KCNIP4: variants seen among roughly 807,000 people sequenced by gnomAD.
The protein encoded by KCNIP4 is Kv channel-interacting protein 4.
KCNIP4 carries 12 observed loss-of-function variants against 34.0 expected under a neutral mutation model. The ratio of observed to expected loss-of-function variants is 0.35; its 90% CI spans 0.23 to 0.57. The LOEUF (loss-of-function observed/expected upper bound fraction) is 0.57. Ranked by LOEUF, KCNIP4 falls within the 20% of genes least tolerant of loss-of-function variation. The pLI is 0.83. For missense variants in KCNIP4, 238 were observed against 311.7 expected, an observed-to-expected ratio of 0.76 and a Z score of 1.78; for synonymous variants, 124 against 102.2, an observed-to-expected ratio of 1.21 and a Z score of -1.29.
intron 1 of KCNIP4, among the ~76,000 whole-genome samples, chr4:21,008,389 T>C (rs1286901167): frequency 6.6e-6 from 1 of 152,218 alleles, no homozygotes; most frequent in South Asian, 2.1e-4. Flanking sequence ...GAAATTAGGC[T>C]ACTATGTTTG....
intron 1 of KCNIP4, among the ~76,000 whole-genome samples, chr4:21,352,514 T>A (rs886441371): frequency 5.9e-5 from 9 of 152,226 alleles, no homozygotes; most frequent in African/African-American, 2.2e-4. Flanking sequence ...CCACGTAGCC[T>A]TGCTCACTGC....
intron 1 of KCNIP4, among the ~76,000 whole-genome samples, chr4:21,843,041 T>A (rs920661574): frequency 6.6e-6 from 1 of 152,138 alleles, no homozygotes; most frequent in East Asian, 1.9e-4. Context: ...AATAAATGTT[T>A]TGCTTTATAT....
At chr4:21,219,705 C>A (rs1274250041) in intron 1 of KCNIP4, among the ~76,000 whole-genome samples, 6 of 152,016 alleles carry the variant, frequency 3.9e-5, no homozygotes, top group Non-Finnish European at 1.5e-5. Context: ...ATTGAAAAAA[C>A]AGCAGGAAGG....
At position 21,252,128 on chromosome 4, in the gene KCNIP4, TG is replaced by T. The variant is rs1266697472; in HGVS notation, c.62-369420del. Among the ~76,000 whole-genome samples the T allele has an allele frequency of 2.6e-4, 30 of 114,320 alleles. 1 individual carries two copies. The East Asian group carries it at 2.9e-3, about 11-fold the overall frequency. The allele number at this position is 114,320 out of a possible 152,430, so 75.0% of individuals were successfully genotyped here. A position where few individuals can be genotyped will look rare whatever the true frequency, so the allele number is the denominator to read the frequency against. ...CATTTAAGTAACATGAATGAGGTTT[TG>T]TTTTTTTTTTTTTTTTTGAGACAGA... On this transcript the variant is annotated intron_variant, in intron 1 of 8. Coordinates refer to ENST00000382152, the MANE Select transcript of KCNIP4 (RefSeq NM_025221.6).
intron 1 of KCNIP4, chr4:21,609,089 AGTCC>A (rs1375571779): frequency 8.5e-5 from 13 of 152,200 alleles, no homozygotes; most frequent in African/African-American, 2.7e-4. Flanking sequence ...ATTTAGTAAA[AGTCC>A]TCCAAGAGAT....
intron 1 of KCNIP4, among the ~76,000 whole-genome samples, chr4:21,919,691 G>A (rs1288006444): frequency 6.6e-6 from 1 of 152,102 alleles, no homozygotes; most frequent in African/African-American, 2.4e-5. Flanking sequence ...GCAGCTTCAG[G>A]TAGCCAAAGG....
intron 1 of KCNIP4, among the ~76,000 whole-genome samples, chr4:21,745,757 T>TA (rs573894649): frequency 3.3e-5 from 5 of 152,146 alleles, no homozygotes; most frequent in East Asian, 3.9e-4. Context: ...TGCTTTATGC[T>TA]AAAAAAATAA....
At chr4:21,639,399 C>T (rs1459153792) in intron 1 of KCNIP4, among the ~76,000 whole-genome samples, 1 of 152,116 alleles carries the variant, frequency 6.6e-6, no homozygotes, top group African/African-American at 2.4e-5. Context: ...ATCAACAAAT[C>T]TATACAATTG....
At chr4:21,674,927 G>A (rs912878373) in intron 1 of KCNIP4, among the ~76,000 whole-genome samples, 2 of 152,084 alleles carry the variant, frequency 1.3e-5, no homozygotes, top group African/African-American at 2.4e-5. Flanking sequence ...TAAAATTACT[G>A]TTTTTCATAA....
At chr4:21,139,012 A>C (rs1425620016) in intron 1 of KCNIP4, among the ~76,000 whole-genome samples, 1 of 152,238 alleles carries the variant, frequency 6.6e-6, no homozygotes. Flanking sequence ...GTTTCCAACC[A>C]TTAAGTCTAT....
chr4:21,517,214 G>T (rs1734838945), intron 1 of KCNIP4, among the ~76,000 whole-genome samples: 1 of 152,112 alleles, frequency 6.6e-6, no homozygotes, highest in Admixed American at 6.5e-5. Context: ...GGAAAATAAT[G>T]AGTACAACAT....
intron 1 of KCNIP4, among the ~76,000 whole-genome samples, chr4:21,947,476 C>T (rs1054243458): frequency 3.3e-5 from 5 of 152,134 alleles, no homozygotes; most frequent in African/African-American, 9.7e-5. Context: ...CTCCCGGTTA[C>T]GATGACCTTA....
chr4:20,783,825 T>C (rs939747400), intron 3 of KCNIP4, among the ~76,000 whole-genome samples: 10 of 152,218 alleles, frequency 6.6e-5, no homozygotes, highest in African/African-American at 2.4e-4. Context: ...ATTTTTTATA[T>C]TATCTAGTAA....
intron 1 of KCNIP4, among the ~76,000 whole-genome samples, chr4:21,664,301 G>A (rs980751113): frequency 2.1e-4 from 32 of 151,788 alleles, no homozygotes; most frequent in African/African-American, 7.3e-4. Flanking sequence ...GCAGTTCTGT[G>A]AACTAGTCAC....
chr4:21,149,452 C>T (rs2109239702), intron 1 of KCNIP4, among the ~76,000 whole-genome samples: 1 of 152,136 alleles, frequency 6.6e-6, no homozygotes, highest in African/African-American at 2.4e-5. Flanking sequence ...AGAAGGGTCT[C>T]AAGTGAAAAA....
intron 1 of KCNIP4, among the ~76,000 whole-genome samples, chr4:21,268,576 G>A (rs527483770): frequency 1.3e-5 from 2 of 152,332 alleles, no homozygotes; most frequent in Admixed American, 1.3e-4. Flanking sequence ...GGAGGCAGAG[G>A]AGGGGAGGTG....
intron 1 of KCNIP4, among the ~76,000 whole-genome samples, chr4:21,255,672 T>C (rs1761015085): frequency 6.6e-6 from 1 of 151,126 alleles, no homozygotes; most frequent in South Asian, 2.1e-4. Context: ...TAATTCAGGA[T>C]GTTGTTATAG....
intron 1 of KCNIP4, among the ~76,000 whole-genome samples, chr4:21,595,973 G>T (rs1297300177): frequency 2.0e-5 from 3 of 152,088 alleles, no homozygotes; most frequent in African/African-American, 7.2e-5. Context: ...AGAGCAACTT[G>T]TGTTGAAGCA....
intron 1 of KCNIP4, among the ~76,000 whole-genome samples, chr4:21,601,250 T>C (rs1307528578): frequency 6.6e-6 from 1 of 152,058 alleles, no homozygotes; most frequent in African/African-American, 2.4e-5. Context: ...TAAAACACTT[T>C]AATGTTTTCA....
Sources: gnomAD v4.1 joint callset for allele counts (sites outside exome capture counted in the v4.1 genomes callset) on GRCh38, gnomAD v4.1.1 for gene constraint, MANE v1.5 for transcripts, NCBI Gene and HGNC (gene_info 2026-07-23, HGNC 2026-07-21) for gene names.